TTLL5: variants seen among roughly 807,000 people sequenced by gnomAD.
TTLL5 encodes the protein tubulin polyglutamylase TTLL5.
A neutral mutation model predicts 168.4 loss-of-function variants in TTLL5; 132 were observed. The observed-to-expected ratio is 0.78, with a 90% CI of 0.68 to 0.91. The LOEUF is 0.91. Ranked by LOEUF, TTLL5 falls within the 40% of genes least tolerant of loss-of-function variation. The pLI is 0.00. For missense variants in TTLL5, 1,545 were observed against 1,581.5 expected (o/e 0.98, Z 0.39); for synonymous variants, 546 against 558.6 (o/e 0.98, Z 0.32).
chr14:75,937,896 T>C (rs1359193387), intron 31 of TTLL5, among the ~76,000 whole-genome samples: 1 of 152,208 alleles, frequency 6.6e-6, no homozygotes. Flanking sequence ...CTGGATTGTA[T>C]GGTAATTCTG....
intron 28 of TTLL5, among the ~76,000 whole-genome samples, chr14:75,833,119 C>G (rs1049034572): frequency 2.6e-5 from 4 of 152,196 alleles, no homozygotes; most frequent in African/African-American, 9.7e-5. Flanking sequence ...ATCAGCACCT[C>G]TCAGCCTCAC....
chr14:75,730,691 C>T (rs1298448380), intron 12 of TTLL5, among the ~76,000 whole-genome samples: 2 of 151,788 alleles, frequency 1.3e-5, no homozygotes, highest in Non-Finnish European at 2.9e-5. Flanking sequence ...TCCCCAAGTT[C>T]CACAGTGTAG....
At chr14:75,916,458 A>G (rs926724333) in intron 31 of TTLL5, among the ~76,000 whole-genome samples, 2 of 152,156 alleles carry the variant, frequency 1.3e-5, no homozygotes, top group Non-Finnish European at 2.9e-5. Context: ...CCTGGGCAAC[A>G]TAAGGAAACC....
chr14:75,855,847 C>T (rs1454227013), intron 28 of TTLL5, among the ~76,000 whole-genome samples: 3 of 152,142 alleles, frequency 2.0e-5, no homozygotes, highest in African/African-American at 4.8e-5. Flanking sequence ...ATAATACAAT[C>T]CAGTCTCTAC....
At chr14:75,815,797 T>C (rs547575438) in intron 27 of TTLL5, among the ~76,000 whole-genome samples, 35 of 152,238 alleles carry the variant, frequency 2.3e-4, no homozygotes, top group Non-Finnish European at 4.7e-4. Context: ...TCTGCAACTT[T>C]TATGTGACTT....
intron 31 of TTLL5, among the ~76,000 whole-genome samples, chr14:75,930,864 A>G (rs2034254806): frequency 6.6e-6 from 1 of 152,240 alleles, no homozygotes; most frequent in South Asian, 2.1e-4. Flanking sequence ...CTCAGCTTAG[A>G]GAAATATCAT....
chr14:75,748,679 G>C (rs1218709364), intron 17 of TTLL5, among the ~76,000 whole-genome samples: 2 of 152,200 alleles, frequency 1.3e-5, no homozygotes, highest in Non-Finnish European at 2.9e-5. Context: ...TAGGAAAAAA[G>C]ATAAAGCTAA....
intron 26 of TTLL5, among the ~76,000 whole-genome samples, chr14:75,788,420 G>A (rs1892508397): frequency 6.6e-6 from 1 of 151,868 alleles, no homozygotes; most frequent in Non-Finnish European, 1.5e-5. Context: ...AATATAAGGA[G>A]TAGAAAAGCA....
At chr14:75,736,757 C>T (rs368125350) in intron 15 of TTLL5, among the ~76,000 whole-genome samples, 1 of 152,204 alleles carries the variant, frequency 6.6e-6, no homozygotes, top group East Asian at 1.9e-4. Flanking sequence ...AGAATTATTC[C>T]CTAATTAATG....
intron 31 of TTLL5, among the ~76,000 whole-genome samples, chr14:75,931,631 T>A (rs924421005): frequency 6.6e-6 from 1 of 152,158 alleles, no homozygotes; most frequent in Admixed American, 6.5e-5. Flanking sequence ...CACTAAAAAG[T>A]CTTCAGAAGC....
At chr14:75,779,896 AT>A (rs1052967208) in intron 24 of TTLL5, among the ~76,000 whole-genome samples, 194 bp downstream of exon 24, 4 of 151,968 alleles carry the variant, frequency 2.6e-5, no homozygotes, top group East Asian at 1.9e-4. Flanking sequence ...GCATGGTCTG[AT>A]TTTTTTTCAA....
chr14:75,845,816 A>G (rs1230333607), intron 28 of TTLL5, among the ~76,000 whole-genome samples: 2 of 152,144 alleles, frequency 1.3e-5, no homozygotes, highest in Admixed American at 1.3e-4. Flanking sequence ...TAACTTTCCT[A>G]GTTTTAGAGG....
intron 31 of TTLL5, among the ~76,000 whole-genome samples, chr14:75,932,361 G>T (rs897262811): frequency 6.6e-6 from 1 of 152,100 alleles, no homozygotes; most frequent in Non-Finnish European, 1.5e-5. Context: ...ATGTTAAAAA[G>T]ATAAGGAGAT....
At chr14:75,833,070 G>C (rs1040274626) in intron 28 of TTLL5, among the ~76,000 whole-genome samples, 4 of 152,230 alleles carry the variant, frequency 2.6e-5, no homozygotes, top group African/African-American at 7.2e-5. Flanking sequence ...GGAACACCAG[G>C]TGCCTTCATC....
chr14:75,886,853 A>G, intron 30 of TTLL5: 1 of 1,516,686 alleles, frequency 6.6e-7, no homozygotes, highest in Non-Finnish European at 8.8e-7. Flanking sequence ...TCTCCAGGAA[A>G]TATGGAGAAA....
intron 31 of TTLL5, chr14:75,906,693 A>G (rs1015584581): frequency 4.1e-6 from 4 of 985,748 alleles, no homozygotes; most frequent in African/African-American, 3.5e-5. Flanking sequence ...GGTAAGAATA[A>G]GAGCATATTT....
intron 3 of TTLL5, among the ~76,000 whole-genome samples, chr14:75,674,288 T>C (rs1883976997): frequency 6.6e-6 from 1 of 152,202 alleles, no homozygotes; most frequent in South Asian, 2.1e-4. Context: ...TGAATGACTT[T>C]TGGTAGTTGC....
intron 28 of TTLL5, among the ~76,000 whole-genome samples, chr14:75,823,852 C>G (rs532929815): frequency 1.3e-5 from 2 of 152,278 alleles, no homozygotes; most frequent in Admixed American, 6.5e-5. Flanking sequence ...AAGTTGGAAC[C>G]ATTTTCGATG....
At chr14:75,873,293 C>A (rs1378574268) in intron 29 of TTLL5, among the ~76,000 whole-genome samples, 6 of 152,116 alleles carry the variant, frequency 3.9e-5, no homozygotes, top group African/African-American at 1.4e-4. Context: ...CCAGGATGGT[C>A]TCGATCTTCT....
Sources: gnomAD v4.1 joint callset for allele counts (sites outside exome capture counted in the v4.1 genomes callset) on GRCh38, gnomAD v4.1.1 for gene constraint, MANE v1.5 for transcripts, NCBI Gene and HGNC (gene_info 2026-07-23, HGNC 2026-07-21) for gene names.